The following ABLIM3 variants were observed in gnomAD, a reference collection of about 807,000 sequenced individuals.
ABLIM3 encodes the protein actin binding LIM protein family member 3.
Under a neutral mutation model 109.5 loss-of-function variants are expected in ABLIM3, and 61 were observed. The ratio of observed to expected loss-of-function variants is 0.56; its 90% CI spans 0.45 to 0.69. The LOEUF (loss-of-function observed/expected upper bound fraction) is 0.69. ABLIM3 is among the 30% of genes least tolerant of loss of function. The pLI, the probability that ABLIM3 is intolerant of heterozygous loss-of-function variation, is 0.00. For missense variants in ABLIM3, 796 were observed against 889.5 expected (o/e 0.89, Z 1.34); for synonymous variants, 300 against 324.8 (o/e 0.92, Z 0.82).
chr5:149,245,856 C>T (rs2099646), intron 16 of ABLIM3, among the ~76,000 whole-genome samples: 11,972 of 152,198 alleles, frequency 0.079, 1,158 homozygotes, highest in African/African-American at 0.23. Flanking sequence ...CAAAGCTTCA[C>T]AGAAGCTCAG....
chr5:149,232,446 T>C (rs1761954261), intron 9 of ABLIM3, among the ~76,000 whole-genome samples: 2 of 152,230 alleles, frequency 1.3e-5, no homozygotes, highest in Admixed American at 1.3e-4. Flanking sequence ...TTCAGTATTA[T>C]CAAATGTTCC....
intron 10 of ABLIM3, 137 bp downstream of exon 10, chr5:149,233,437 T>C (rs1762059284): frequency 1.1e-6 from 1 of 905,304 alleles, no homozygotes; most frequent in Admixed American, 2.0e-5. Context: ...CTAGGCTCTG[T>C]ACCAGGTCTT....
At chr5:149,248,046 CTCT>C in intron 18 of ABLIM3, 117 bp downstream of exon 18, 3 of 1,287,072 alleles carry the variant, frequency 2.3e-6, no homozygotes, top group Non-Finnish European at 3.2e-6. Context: ...TGCATCCTCT[CTCT>C]TCTTCCTCAC....
intron 6 of ABLIM3, among the ~76,000 whole-genome samples, chr5:149,209,518 A>G (rs942042924): frequency 5.9e-5 from 9 of 152,242 alleles, no homozygotes; most frequent in African/African-American, 2.2e-4. Flanking sequence ...TGCCCAGTAA[A>G]TACTCATTTT....
chr5:149,251,957 G>A (rs1041652617), intron 21 of ABLIM3, among the ~76,000 whole-genome samples: 2 of 152,114 alleles, frequency 1.3e-5, no homozygotes, highest in Non-Finnish European at 2.9e-5. Flanking sequence ...TATCTCTAAG[G>A]CCATTTTTTC....
intron 3 of ABLIM3, among the ~76,000 whole-genome samples, chr5:149,190,118 T>C (rs1374198115): frequency 6.6e-6 from 1 of 152,206 alleles, no homozygotes; most frequent in Non-Finnish European, 1.5e-5. Context: ...AGGCTACACA[T>C]TGCAGGATTT....
intron 2 of ABLIM3, among the ~76,000 whole-genome samples, chr5:149,171,918 T>G (rs574929040): frequency 3.9e-5 from 6 of 151,996 alleles, no homozygotes; most frequent in Admixed American, 3.3e-4. Flanking sequence ...GTTTCTATTG[T>G]CCACTATTCT....
At chr5:149,169,087 C>CT (rs146206893) in intron 2 of ABLIM3, among the ~76,000 whole-genome samples, 2 of 129,942 alleles carry the variant, frequency 1.5e-5, no homozygotes, top group Non-Finnish European at 3.2e-5. Context: ...GCTGTAGGAC[C>CT]CCCCCACCCC....
chr5:149,216,607 G>A, intron 7 of ABLIM3: 1 of 234,642 alleles, frequency 4.3e-6, no homozygotes, highest in Non-Finnish European at 8.3e-6. Context: ...TTAGTGGTAA[G>A]GGCCTCTCAC....
At chr5:149,206,880 C>T (rs1469373356) in intron 5 of ABLIM3, 128 bp from the exon 6 acceptor site, 1 of 1,154,782 alleles carries the variant, frequency 8.7e-7, no homozygotes, top group African/African-American at 4.0e-5. Flanking sequence ...TGGGAAGCTT[C>T]CAGTGTCAGG....
intron 21 of ABLIM3, among the ~76,000 whole-genome samples, chr5:149,251,736 C>A (rs1342839551): frequency 2.0e-5 from 3 of 152,176 alleles, no homozygotes; most frequent in Admixed American, 1.3e-4. Flanking sequence ...TGGAGGGAAG[C>A]ACTCAGAGCC....
chr5:149,214,397 C>T (rs1374162216), intron 7 of ABLIM3, among the ~76,000 whole-genome samples: 1 of 152,152 alleles, frequency 6.6e-6, no homozygotes, highest in Admixed American at 6.5e-5. Flanking sequence ...AGCCGGCACG[C>T]CCGGTGGAAA....
rs201746043 is a variant in ABLIM3 at position 149,251,398 on chromosome 5, G to T, written c.1828G>T (p.Ala610Ser). The T allele has an allele frequency of 4.0e-5, 64 of 1,614,140 alleles. No individual in the cohort carries two copies. The highest frequency in any genetic ancestry group is 5.0e-5 in the Non-Finnish European group (59 of 1,180,022). Residue 610 changes from alanine (A) to serine (S), a missense_variant, in exon 21 of 24, where the codon GCA becomes TCA. Transcript: ENST00000309868. ...CCTCTTCCACTACGACAGCATGAACGCAGTCAACTGGGGCATGCGAGGTGA... is the reference window on the plus strand; with the variant it reads ...CCTCTTCCACTACGACAGCATGAACTCAGTCAACTGGGGCATGCGAGGTGA... ...ADLFHYDSMNAVNWGMREYKI... is the reference protein window; with the variant it reads ...ADLFHYDSMNSVNWGMREYKI...
At chr5:149,153,093 T>C (rs1753578649) in intron 2 of ABLIM3, among the ~76,000 whole-genome samples, 1 of 151,988 alleles carries the variant, frequency 6.6e-6, no homozygotes, top group African/African-American at 2.4e-5. Flanking sequence ...TAGATAAAGA[T>C]CTCTTTCCTA....
chr5:149,178,941 C>T (rs558543929), intron 2 of ABLIM3, among the ~76,000 whole-genome samples: 1 of 152,110 alleles, frequency 6.6e-6, no homozygotes, highest in African/African-American at 2.4e-5. Flanking sequence ...CAGTAGGTAA[C>T]AGCAGAGAGG....
intron 11 of ABLIM3, 122 bp from the exon 12 acceptor site, chr5:149,239,126 T>A (rs1191038924): frequency 2.1e-6 from 2 of 937,992 alleles, no homozygotes; most frequent in Non-Finnish European, 3.5e-6. Context: ...TGGAGAGGGG[T>A]ACAAAGGAAC....
At position 149,154,633 on chromosome 5, in the gene ABLIM3, T is replaced by A. The variant is rs192036619; in HGVS notation, c.13+12525T>A. ...CCTTGAATTCTGTGTCTAGGGAATA[T>A]CCCCATGTTATATTTGCTCTCACTA... On this transcript the variant is annotated intron_variant, in intron 2 of 23. Coordinates refer to ENST00000309868, the MANE Select transcript of ABLIM3 (RefSeq NM_014945.5). 5.1e-4 allele frequency among the ~76,000 whole-genome samples: 78 copies of A among 152,356 alleles called. 1 individual carries two copies. The highest frequency in any genetic ancestry group is 7.2e-4 in the Admixed American group (11 of 15,308).
chr5:149,227,251 T>G (rs1761400105), intron 8 of ABLIM3, among the ~76,000 whole-genome samples: 1 of 152,166 alleles, frequency 6.6e-6, no homozygotes, highest in African/African-American at 2.4e-5. Context: ...CCTTAATACC[T>G]GGCTGACAGA....
intron 3 of ABLIM3, among the ~76,000 whole-genome samples, chr5:149,194,771 ATAAAG>A (rs1428441612): frequency 3.9e-5 from 6 of 152,216 alleles, no homozygotes; most frequent in African/African-American, 1.4e-4. Context: ...TGGTAAGACT[ATAAAG>A]TAAAGCAAGG....
Sources: gnomAD v4.1 joint callset for allele counts (sites outside exome capture counted in the v4.1 genomes callset) on GRCh38, gnomAD v4.1.1 for gene constraint, MANE v1.5 for transcripts, NCBI Gene and HGNC (gene_info 2026-07-23, HGNC 2026-07-21) for gene names.